Variants in PDE4D observed in about 807,000 individuals in gnomAD.
PDE4D encodes phosphodiesterase 4D, also known as 3',5'-cyclic-AMP phosphodiesterase 4D.
A neutral mutation model predicts 87.4 loss-of-function variants in PDE4D; 24 were observed. The observed-to-expected ratio is 0.27, with a 90% CI of 0.20 to 0.39. PDE4D has a LOEUF of 0.39. PDE4D is among the 10% of genes least tolerant of loss of function. The probability of loss-of-function intolerance (pLI) is 1.00; values close to 1 mark genes in which losing one functional copy is unlikely to be tolerated. For missense variants in PDE4D, 714 were observed against 1,041.0 expected (o/e 0.69, Z 4.32); for synonymous variants, 384 against 383.2 (o/e 1.00, Z -0.02).
At chr5:59,251,715 A>T (rs1759972780) in intron 1 of PDE4D, among the ~76,000 whole-genome samples, 1 of 152,176 alleles carries the variant, frequency 6.6e-6, no homozygotes, top group Non-Finnish European at 1.5e-5. Context: ...TACCATAAAG[A>T]TACAGGCAAA....
chr5:59,199,290 G>A (rs1377531791), intron 2 of PDE4D, among the ~76,000 whole-genome samples: 1 of 148,174 alleles, frequency 6.7e-6, no homozygotes, highest in Non-Finnish European at 1.5e-5. Flanking sequence ...ATGGAGGTTT[G>A]CTATGTTGCC....
At chr5:60,408,803 A>T (rs1296866603) in intron 1 of PDE4D, among the ~76,000 whole-genome samples, 1 of 152,250 alleles carries the variant, frequency 6.6e-6, no homozygotes, top group African/African-American at 2.4e-5. Flanking sequence ...TATTCTCGCC[A>T]TTACTATGGT....
chr5:59,405,516 G>C (rs535958307), intron 1 of PDE4D, among the ~76,000 whole-genome samples: 1 of 152,182 alleles, frequency 6.6e-6, no homozygotes, highest in South Asian at 2.1e-4. Context: ...AATATCATCT[G>C]CAAACAAGAA....
chr5:59,731,095 A>T (rs1381686805), intron 1 of PDE4D, among the ~76,000 whole-genome samples: 2 of 152,044 alleles, frequency 1.3e-5, no homozygotes, highest in Non-Finnish European at 2.9e-5. Flanking sequence ...CCTAATGTTA[A>T]TCACCCAATA....
intron 1 of PDE4D, among the ~76,000 whole-genome samples, chr5:60,197,094 T>TAGAC (rs1386201585): frequency 7.1e-6 from 1 of 140,826 alleles, no homozygotes; most frequent in Non-Finnish European, 1.5e-5. Flanking sequence ...GATAGATAGA[T>TAGAC]AGATAGATAG....
At chr5:60,388,811 G>T (rs890611762) in intron 1 of PDE4D, among the ~76,000 whole-genome samples, 1 of 152,188 alleles carries the variant, frequency 6.6e-6, no homozygotes, top group African/African-American at 2.4e-5. Flanking sequence ...GGAGCTAGAA[G>T]CCAGGAACCA....
intron 1 of PDE4D, among the ~76,000 whole-genome samples, chr5:59,284,221 C>T (rs1055458092): frequency 2.6e-5 from 4 of 152,144 alleles, no homozygotes; most frequent in Non-Finnish European, 5.9e-5. Flanking sequence ...TCTAGATGTT[C>T]ATCCTAATTT....
intron 1 of PDE4D, among the ~76,000 whole-genome samples, chr5:60,264,458 T>A (rs1749977174): frequency 6.6e-6 from 1 of 152,144 alleles, no homozygotes; most frequent in South Asian, 2.1e-4. Context: ...GGCCCCACGC[T>A]CTCATTGTTG....
intron 1 of PDE4D, among the ~76,000 whole-genome samples, chr5:59,465,564 C>T (rs148046875): frequency 6.6e-6 from 1 of 152,232 alleles, no homozygotes. Context: ...GTCAATTTCT[C>T]CATTAAAGTT....
rs1367707099 is a variant in PDE4D, at chr5:59,944,760, G to C, written c.272+43728C>G. On this transcript the variant is annotated intron_variant, in intron 3 of 16. Transcript: ENST00000502484. ...TTCAGCACTAACCCCTCATGGACTT[G>C]AGGTATTTCTCCTTCCTCCCTGCCA... 2.6e-5 allele frequency among the ~76,000 whole-genome samples: 4 copies of C among 152,168 alleles called. No individual in the cohort carries two copies. The East Asian group carries it at 7.7e-4, about 29-fold the overall frequency.
intron 1 of PDE4D, among the ~76,000 whole-genome samples, chr5:60,473,314 G>A (rs929937854): frequency 3.9e-5 from 6 of 152,030 alleles, no homozygotes; most frequent in Non-Finnish European, 5.9e-5. Flanking sequence ...AAGGGAGAAA[G>A]AGACCTCCTA....
intron 1 of PDE4D, among the ~76,000 whole-genome samples, chr5:59,697,058 G>A (rs1751889824): frequency 1.3e-5 from 2 of 152,198 alleles, no homozygotes; most frequent in South Asian, 2.1e-4. Flanking sequence ...GGAATAGAAA[G>A]AGAGTAGTTT....
chr5:60,493,776 C>T (rs2150237799), intron 1 of PDE4D, among the ~76,000 whole-genome samples: 1 of 152,218 alleles, frequency 6.6e-6, no homozygotes, highest in East Asian at 1.9e-4. Context: ...CACACCCTTC[C>T]CCAGCACCCA....
intron 1 of PDE4D, among the ~76,000 whole-genome samples, chr5:59,436,461 C>A (rs184824866): frequency 1.4e-4 from 22 of 152,240 alleles, no homozygotes; most frequent in African/African-American, 5.1e-4. Context: ...AACAAACATA[C>A]TATTCTAGTA....
chr5:59,923,400 G>C lies in PDE4D; in HGVS notation c.272+65088C>G, dbSNP rs946398180. On this transcript the variant is annotated intron_variant, in intron 3 of 16. Transcript: ENST00000502484. ...AGGTACTGGTCATTGCAGGCCTTGA[G>C]AGAGATCCAATGCTGTGTTGGCTTC... Among the ~76,000 whole-genome samples, 4 of 152,324 alleles carry C rather than the reference G, an allele frequency of 2.6e-5. No homozygotes were observed. In the South Asian group the frequency reaches 8.3e-4, roughly 32 times the overall value.
At chr5:59,402,419 G>A (rs1196061356) in intron 1 of PDE4D, among the ~76,000 whole-genome samples, 1 of 152,174 alleles carries the variant, frequency 6.6e-6, no homozygotes, top group African/African-American at 2.4e-5. Flanking sequence ...CTGCTGGTCT[G>A]ATTGGCCAGG....
chr5:60,091,827 C>A (rs983824337), intron 2 of PDE4D, among the ~76,000 whole-genome samples: 1 of 151,686 alleles, frequency 6.6e-6, no homozygotes, highest in Non-Finnish European at 1.5e-5. Flanking sequence ...CCGAGACAGG[C>A]GGATCACGAG....
chr5:59,567,313 A>G (rs558205449), intron 1 of PDE4D, among the ~76,000 whole-genome samples: 4 of 152,326 alleles, frequency 2.6e-5, no homozygotes, highest in Non-Finnish European at 5.9e-5. Flanking sequence ...ACAAGTTACT[A>G]TTCTCCTTAA....
At chr5:59,342,019 A>T (rs2153582230) in intron 1 of PDE4D, among the ~76,000 whole-genome samples, 1 of 152,274 alleles carries the variant, frequency 6.6e-6, no homozygotes, top group East Asian at 1.9e-4. Context: ...AATTTCATAA[A>T]TGTCATACAA....
Sources: allele counts gnomAD v4.1 joint callset (sites outside exome capture counted in the v4.1 genomes callset), GRCh38; gene constraint gnomAD v4.1.1; transcripts MANE v1.5; gene names NCBI Gene and HGNC (gene_info 2026-07-23, HGNC 2026-07-21).